CADM3: variants seen among roughly 807,000 people sequenced by gnomAD.
CADM3 encodes TSLC1-like 1.
In CADM3, 11 loss-of-function variants were observed where a neutral mutation model predicts 44.9. The ratio of observed to expected loss-of-function variants is 0.25; its 90% CI spans 0.15 to 0.41. The LOEUF (loss-of-function observed/expected upper bound fraction) is 0.41. Ranked by LOEUF, CADM3 falls within the 10% of genes least tolerant of loss-of-function variation. The probability of loss-of-function intolerance (pLI) is 1.00; values close to 1 mark genes in which losing one functional copy is unlikely to be tolerated. For missense variants in CADM3, 426 were observed against 512.0 expected (o/e 0.83, Z 1.62); for synonymous variants, 207 against 205.2 (o/e 1.01, Z -0.08).
chr1:159,181,593 C>T (rs1557931058), intron 1 of CADM3, among the ~76,000 whole-genome samples: 1 of 152,318 alleles, frequency 6.6e-6, no homozygotes, highest in Non-Finnish European at 1.5e-5. Context: ...CTAGAGCACA[C>T]AGCCCAGTCC....
intron 4 of CADM3, 53 bp from the exon 5 acceptor site, chr1:159,193,817 C>T: frequency 6.3e-7 from 1 of 1,596,808 alleles, no homozygotes; most frequent in South Asian, 1.1e-5. Context: ...GTTAGGTTTA[C>T]TCTGTGTCTC....
At position 159,192,621 on chromosome 1, in the gene CADM3, C is replaced by G; in HGVS notation, c.273C>G (p.His91Gln). ...NRIQLVTSTP[H>Q]ELSISISNVA... ...TTCAGCTGGTTACCTCTACGCCCCA[C>G]GAGCTCAGCATCAGCATCAGCAATG... The change falls in exon 3 of 9, where the codon CAC (histidine) becomes CAG (glutamine). Residue 91 changes from histidine (H) to glutamine (Q), a missense_variant. Around this residue, in one of 2 missense-constraint regions of CADM3, gnomAD observed 362 missense variants for 474.6 expected, o/e 0.76. Transcript: ENST00000368125. The G allele has an allele frequency of 6.2e-7, 1 of 1,614,188 alleles. No homozygotes were observed. Among genetic ancestry groups the G allele is most frequent in the Non-Finnish European group, 8.5e-7 (1 of 1,180,026 alleles).
At chr1:159,187,533 T>C (rs1464024710) in intron 1 of CADM3, among the ~76,000 whole-genome samples, 1 of 152,208 alleles carries the variant, frequency 6.6e-6, no homozygotes, top group African/African-American at 2.4e-5. Context: ...GTTTTGAGAT[T>C]AAATGAATTC....
intron 7 of CADM3, 146 bp from the exon 8 acceptor site, chr1:159,199,605 A>G (rs1002470788): frequency 1.0e-6 from 1 of 974,060 alleles, no homozygotes; most frequent in Non-Finnish European, 1.6e-6. Flanking sequence ...TATAAGCACA[A>G]GATAAGGCAT....
At chr1:159,190,959 C>G (rs1344836399) in intron 1 of CADM3, among the ~76,000 whole-genome samples, 2 of 152,162 alleles carry the variant, frequency 1.3e-5, no homozygotes, top group Non-Finnish European at 2.9e-5. Context: ...GGGATCAGTG[C>G]TACTGAGTCA....
Position 159,188,411 on chromosome 1 carries a change from G to A in CADM3, c.89-3525G>A, listed in dbSNP as rs1414266243. Among the ~76,000 whole-genome samples, 6 of 151,386 alleles carry A rather than the reference G, an allele frequency of 4.0e-5. No individual in the cohort carries two copies. In the South Asian group the frequency reaches 6.3e-4, roughly 16 times the overall value. On this transcript the variant is annotated intron_variant, in intron 1 of 8. Transcript: ENST00000368125. Reference sequence around the variant, plus strand: ...TCCTTTTCTTCCTCAGGGACCCTAAGCCCACGTCCCACTTTTCTTTGTAAT... The same window carrying A: ...TCCTTTTCTTCCTCAGGGACCCTAAACCCACGTCCCACTTTTCTTTGTAAT...
chr1:159,187,057 G>A (rs1281961958), intron 1 of CADM3, among the ~76,000 whole-genome samples: 2 of 152,168 alleles, frequency 1.3e-5, no homozygotes, highest in Non-Finnish European at 2.9e-5. Flanking sequence ...GGAGGGGAGG[G>A]ATGAAAGAAA....
intron 1 of CADM3, among the ~76,000 whole-genome samples, chr1:159,181,025 G>T (rs1252875342): frequency 7.0e-6 from 1 of 142,078 alleles, no homozygotes; most frequent in Non-Finnish European, 1.6e-5. Context: ...CCTGGGCTGA[G>T]ATTTTTCATC....
At position 159,199,083 on chromosome 1, in the gene CADM3, C is replaced by A. The variant is rs377421259; in HGVS notation, c.953-668C>A. 4.6e-5 allele frequency among the ~76,000 whole-genome samples: 7 copies of A among 152,114 alleles called. No individual in the cohort carries two copies. The South Asian group carries it at 8.3e-4, about 18-fold the overall frequency. On this transcript the variant is annotated intron_variant, in intron 7 of 8. Coordinates refer to ENST00000368125, the MANE Select transcript of CADM3 (RefSeq NM_001127173.3). The stretch of plus-strand genomic sequence containing the variant: ...CTTTACATAGATGATAGATTGTGGC[C>A]CCTTACATCTATCATCTTTCGTAAG...
intron 1 of CADM3, among the ~76,000 whole-genome samples, chr1:159,172,183 G>C (rs1350548083): frequency 6.6e-6 from 1 of 152,046 alleles, no homozygotes; most frequent in Non-Finnish European, 1.5e-5. Flanking sequence ...TTGGTGTCTG[G>C]CTCTGCGTTT....
At chr1:159,192,481 C>G in intron 2 of CADM3, 97 bp from the exon 3 acceptor site, 2 of 1,445,226 alleles carry the variant, frequency 1.4e-6, no homozygotes, top group South Asian at 2.3e-5. Context: ...ACCCACCATA[C>G]TAGACCCCTT....
intron 1 of CADM3, chr1:159,189,646 G>T: frequency 4.4e-6 from 3 of 685,420 alleles, no homozygotes; most frequent in Admixed American, 3.0e-5. Flanking sequence ...CTTCTCTTAG[G>T]TATCCTGGTG....
intron 5 of CADM3, chr1:159,194,325 T>C (rs1441656629): frequency 3.8e-6 from 1 of 262,508 alleles, no homozygotes; most frequent in Non-Finnish European, 7.2e-6. Context: ...CGAGCTGGGC[T>C]GTGTTCCAGT....
At chr1:159,197,529 TAGAG>T (rs1377514002) in intron 7 of CADM3, 1 of 153,232 alleles carries the variant, frequency 6.5e-6, no homozygotes, top group East Asian at 1.9e-4. Flanking sequence ...GGACAGAAAA[TAGAG>T]AGAAGCTTGT....
chr1:159,183,267 A>C (rs1350867248), intron 1 of CADM3, among the ~76,000 whole-genome samples: 2 of 152,174 alleles, frequency 1.3e-5, no homozygotes, highest in African/African-American at 4.8e-5. Flanking sequence ...ACATGTTAGG[A>C]CTTCTTATAG....
intron 1 of CADM3, among the ~76,000 whole-genome samples, chr1:159,189,152 G>A (rs1649545882): frequency 6.6e-6 from 1 of 152,120 alleles, no homozygotes; most frequent in Admixed American, 6.5e-5. Context: ...AACAAATAGA[G>A]CTTTGTATTT....
chr1:159,192,892 G>A (rs750768555), intron 3 of CADM3, among the ~76,000 whole-genome samples, 162 bp downstream of exon 3: 12 of 152,086 alleles, frequency 7.9e-5, no homozygotes, highest in Non-Finnish European at 1.5e-5. Flanking sequence ...AAAAGAAATG[G>A]GTTTTAATCC....
intron 1 of CADM3, among the ~76,000 whole-genome samples, chr1:159,184,940 A>T (rs1649362777): frequency 6.6e-6 from 1 of 152,222 alleles, no homozygotes; most frequent in African/African-American, 2.4e-5. Context: ...TGAAAGGGCT[A>T]CTTTGTCCTT....
At chr1:159,177,668 T>C (rs1294457087) in intron 1 of CADM3, among the ~76,000 whole-genome samples, 1 of 152,114 alleles carries the variant, frequency 6.6e-6, no homozygotes, top group Non-Finnish European at 1.5e-5. Flanking sequence ...AACTCTGAGA[T>C]ATAGATCTAG....
Sources: gnomAD v4.1 joint callset for allele counts (sites outside exome capture counted in the v4.1 genomes callset) on GRCh38, gnomAD v4.1.1 for gene constraint, gnomAD v4.1.1 regional missense constraint, MANE v1.5 for transcripts, NCBI Gene and HGNC (gene_info 2026-07-23, HGNC 2026-07-21) for gene names.